Variants in NKTR observed in about 807,000 individuals in gnomAD.
NKTR encodes NK-tumor recognition protein.
A neutral mutation model predicts 156.3 loss-of-function variants in NKTR; 67 were observed. The observed-to-expected ratio is 0.43, with a 90% CI of 0.35 to 0.53. The LOEUF is 0.53. NKTR is among the 20% of genes least tolerant of loss of function. The pLI is 0.01. For synonymous variants in NKTR, 640 were observed against 596.6 expected (o/e 1.07, Z -1.06); for missense variants, 1,604 against 1,730.9 (o/e 0.93, Z 1.30).
chr3:42,632,803 A>G lies in NKTR; in HGVS notation c.753A>G (p.Lys251=), dbSNP rs1709037719. 1 of 1,599,410 alleles carries G rather than the reference A, an allele frequency of 6.3e-7. No individual in the cohort carries two copies. Among genetic ancestry groups the G allele is most frequent in the Non-Finnish European group, 8.5e-7 (1 of 1,174,316 alleles). ...GCAGTTCAGAAGAGCCAAGGAATAA[A>G]CATGCAATGAACCCAAAAGGGTACG... ...EASSSEEPRN[K]HAMNPKGHSE... is the part of the protein sequence containing the mutation. Residue 251 remains lysine, a synonymous_variant, in exon 9 of 17, where the codon AAA becomes AAG. Coordinates refer to ENST00000232978, the MANE Select transcript of NKTR (RefSeq NM_005385.4).
At chr3:42,607,873 T>C (rs1706372843) in intron 2 of NKTR, among the ~76,000 whole-genome samples, 1 of 151,214 alleles carries the variant, frequency 6.6e-6, no homozygotes, top group Non-Finnish European at 1.5e-5. Flanking sequence ...GGACACTATC[T>C]ACCTGGAGTT....
At chr3:42,622,049 A>G (rs1215300574) in intron 6 of NKTR, among the ~76,000 whole-genome samples, 2 of 152,024 alleles carry the variant, frequency 1.3e-5, no homozygotes, top group African/African-American at 4.8e-5. Context: ...TAAAAAACTC[A>G]TTTTATGAGG....
Position 42,638,709 on chromosome 3 carries a change from A to G in NKTR, c.3005A>G (p.Asp1002Gly). 6.2e-7 allele frequency: 1 copy of G among 1,613,326 alleles called. No individual in the cohort carries two copies. Among genetic ancestry groups the G allele is most frequent in the Non-Finnish European group, 8.5e-7 (1 of 1,179,884 alleles). ...AAAGAGAAATTGAAAGGGAAAAAAG[A>G]CAAAAAGCATAAGGCTCCAAAACGA... The part of the protein sequence containing the change: ...KVKEKLKGKK[D>G]KKHKAPKRKQ... The change falls in exon 13 of 17, where the codon GAC (aspartate) becomes GGC (glycine). Residue 1002 changes from aspartate to glycine, a missense_variant. Transcript: ENST00000232978.
At position 42,637,533 on chromosome 3, in the gene NKTR, T is replaced by C. The variant is rs1334535226; in HGVS notation, c.1829T>C (p.Leu610Pro). ...VVAENIPVIP[L>P]SDSPPPSRWK... ...GCAGAAAATATTCCTGTAATACCACTGAGTGACAGTCCCCCCCCTTCAAGA... is the reference window on the plus strand; with the variant it reads ...GCAGAAAATATTCCTGTAATACCACCGAGTGACAGTCCCCCCCCTTCAAGA... The change falls in exon 13 of 17, where the codon CTG becomes CCG. Residue 610 changes from leucine (L) to proline (P), a missense_variant. Leu to Pro is a moderately conservative substitution (Grantham distance 98). This residue lies in a region of NKTR where 1,255 missense variants were observed against 1,243.7 expected (regional missense o/e 1.01). Transcript: ENST00000232978. The C allele has an allele frequency of 6.2e-7, 1 of 1,614,024 alleles. No homozygotes were observed. The highest frequency in any genetic ancestry group is 1.7e-5 in the Admixed American group (1 of 60,014).
chr3:42,604,659 C>CTTTTTTTTTTTTTTTTTTTT (rs71072726), intron 2 of NKTR, among the ~76,000 whole-genome samples: 3 of 45,294 alleles, frequency 6.6e-5, no homozygotes, highest in Admixed American at 3.1e-4. Flanking sequence ...TATTTCTCTC[C>CTTTTTTTTTTTTTTTTTTTT]TTTTTTTTTT....
chr3:42,635,153 A>G (rs1041320583), intron 11 of NKTR, 68 bp from the exon 12 acceptor site: 1 of 1,281,864 alleles, frequency 7.8e-7, no homozygotes, highest in African/African-American at 1.5e-5. Context: ...TCTTTTACTT[A>G]ACTCTGTCAC....
Position 42,638,444 on chromosome 3 carries a change from G to A in NKTR, c.2740G>A (p.Ala914Thr). The change falls in exon 13 of 17, where the codon GCC (alanine) becomes ACC (threonine). Residue 914 changes from alanine to threonine, a missense_variant. Transcript: ENST00000232978. ...HPSSDKEEGE[A>T]TSDSESEVSE... The stretch of plus-strand genomic sequence containing the variant: ...ATCCTCTGACAAGGAAGAAGGTGAG[G>A]CCACATCCGATTCTGAATCAGAGGT... 6.2e-7 allele frequency: 1 copy of A among 1,612,512 alleles called. No homozygotes were observed. The highest frequency in any genetic ancestry group is 8.5e-7 in the Non-Finnish European group (1 of 1,179,544).
At chr3:42,630,077 G>A in intron 6 of NKTR, 1 of 986,100 alleles carries the variant, frequency 1.0e-6, no homozygotes, top group African/African-American at 1.7e-5. Context: ...GACTCAGTAT[G>A]AGAAATAACA....
chr3:42,630,972 C>G (rs1708845768), intron 7 of NKTR, 199 bp from the exon 8 acceptor site: 1 of 1,409,234 alleles, frequency 7.1e-7, no homozygotes, highest in African/African-American at 1.4e-5. Context: ...AGGCAGAAAA[C>G]TGAGGCCCAG....
intron 12 of NKTR, 59 bp from the exon 13 acceptor site, chr3:42,636,809 C>G (rs781752828): frequency 2.0e-6 from 3 of 1,509,362 alleles, no homozygotes; most frequent in Non-Finnish European, 1.8e-6. Flanking sequence ...AAAGCTGTGT[C>G]TTAAGGTGTA....
chr3:42,618,078 CG>C (rs1185113903), intron 3 of NKTR, among the ~76,000 whole-genome samples: 2 of 151,854 alleles, frequency 1.3e-5, no homozygotes, highest in Non-Finnish European at 2.9e-5. Context: ...TGGCCGGGTG[CG>C]GTGGCTCAAG....
chr3:42,642,869 TAA>T (rs976960245), intron 14 of NKTR, among the ~76,000 whole-genome samples: 8 of 152,300 alleles, frequency 5.3e-5, no homozygotes, highest in Non-Finnish European at 4.4e-5. Context: ...TTCCTTAACC[TAA>T]GTTTTACATC....
chr3:42,618,656 C>G (rs1236454947), intron 3 of NKTR, among the ~76,000 whole-genome samples: 1 of 151,968 alleles, frequency 6.6e-6, no homozygotes, highest in Non-Finnish European at 1.5e-5. Context: ...CCCTGTTGGC[C>G]AAGCTGATTT....
intron 7 of NKTR, chr3:42,630,868 CAT>C (rs1306905922): frequency 9.8e-5 from 134 of 1,365,624 alleles, no homozygotes; most frequent in Non-Finnish European, 1.2e-4. Flanking sequence ...AGTACAATAT[CAT>C]GTGTCCCTGT....
chr3:42,638,616 G>A lies in NKTR; in HGVS notation c.2912G>A (p.Arg971Lys). 6.2e-7 allele frequency: 1 copy of A among 1,613,660 alleles called. No homozygotes were observed. The highest frequency in any genetic ancestry group is 8.5e-7 in the Non-Finnish European group (1 of 1,179,930). Residue 971 changes from arginine to lysine, a missense_variant, in exon 13 of 17, where the codon AGG becomes AAG. Physicochemically the swap from Arg to Lys is conservative, Grantham distance 26. Coordinates refer to ENST00000232978, the MANE Select transcript of NKTR (RefSeq NM_005385.4). ...EGSCSNSENN[R>K]GKPQKHKHGS... ...TCCTGTTCCAATTCGGAAAACAATAGGGGAAAGCCACAAAAGCACAAACAT... is the reference window on the plus strand; with the variant it reads ...TCCTGTTCCAATTCGGAAAACAATAAGGGAAAGCCACAAAAGCACAAACAT...
chr3:42,619,734 T>C, intron 5 of NKTR, 26 bp downstream of exon 5: 1 of 1,607,782 alleles, frequency 6.2e-7, no homozygotes. Context: ...TTACGGTCTT[T>C]TGTTTCAGTT....
chr3:42,634,589 T>G, intron 10 of NKTR, 24 bp from the exon 11 acceptor site: 1 of 1,358,640 alleles, frequency 7.4e-7, no homozygotes, highest in South Asian at 1.3e-5. Context: ...ATTTTTAATT[T>G]TCATCACAAT....
At chr3:42,644,037 C>T in intron 16 of NKTR, 34 bp downstream of exon 16, 2 of 1,458,128 alleles carry the variant, frequency 1.4e-6, no homozygotes, top group Non-Finnish European at 1.9e-6. Context: ...CTTTATCGCA[C>T]TGTAGGCCAC....
chr3:42,631,215 T>A lies in NKTR; in HGVS notation c.449T>A (p.Ile150Asn). The A allele has an allele frequency of 6.2e-7, 1 of 1,614,060 alleles. No homozygotes were observed. Among genetic ancestry groups the A allele is most frequent in the South Asian group, 1.1e-5 (1 of 91,076 alleles). The stretch of plus-strand genomic sequence containing the variant: ...CTGGTTATTTCTGGTTTTGAAGTAA[T>A]CGAACAAATTGAAAATCTGAAGACC... ...FGLVISGFEV[I>N]EQIENLKTDA... The change falls in exon 8 of 17, where the codon ATC (isoleucine) becomes AAC (asparagine). Residue 150 changes from isoleucine (I) to asparagine (N), a missense_variant. By Grantham distance (149) the Ile-to-Asn change is moderately radical. Coordinates refer to ENST00000232978, the MANE Select transcript of NKTR (RefSeq NM_005385.4).
Sources: allele counts gnomAD v4.1 joint callset (sites outside exome capture counted in the v4.1 genomes callset), GRCh38; gene constraint gnomAD v4.1.1; regional missense constraint gnomAD v4.1.1; transcripts MANE v1.5; gene names NCBI Gene and HGNC (gene_info 2026-07-23, HGNC 2026-07-21).